The following ABRAXAS1 variants were observed in gnomAD, a reference collection of about 807,000 sequenced individuals.
The protein encoded by ABRAXAS1 is BRCA1-A complex subunit Abraxas 1.
ABRAXAS1 carries 26 observed loss-of-function variants against 38.4 expected under a neutral mutation model. The ratio of observed to expected loss-of-function variants is 0.68; its 90% CI spans 0.50 to 0.94. ABRAXAS1 has a LOEUF of 0.94. Ranked by LOEUF, ABRAXAS1 falls within the 40% of genes least tolerant of loss-of-function variation. The pLI, the probability that ABRAXAS1 is intolerant of heterozygous loss-of-function variation, is 0.00. For missense variants in ABRAXAS1, 438 were observed against 481.9 expected (o/e 0.91, Z 0.85); for synonymous variants, 144 against 165.5 (o/e 0.87, Z 1.00).
intron 7 of ABRAXAS1, among the ~76,000 whole-genome samples, chr4:83,465,141 C>T (rs1431942252): frequency 1.3e-5 from 2 of 151,558 alleles, no homozygotes; most frequent in African/African-American, 2.4e-5. Flanking sequence ...ACTTAAAATA[C>T]AAAAATTAGC....
At chr4:83,477,202 T>A (rs1045700810) in intron 2 of ABRAXAS1, among the ~76,000 whole-genome samples, 1 of 152,224 alleles carries the variant, frequency 6.6e-6, no homozygotes, top group Non-Finnish European at 1.5e-5. Context: ...AGCTTAGCAC[T>A]GTACCTAATA....
intron 3 of ABRAXAS1, among the ~76,000 whole-genome samples, chr4:83,476,263 G>T (rs1476755366): frequency 6.6e-6 from 1 of 152,110 alleles, no homozygotes; most frequent in Non-Finnish European, 1.5e-5. Flanking sequence ...TATAAGTGAG[G>T]AACCAGTTGC....
At chr4:83,467,229 A>C (rs1343298303) in intron 7 of ABRAXAS1, 1 of 379,562 alleles carries the variant, frequency 2.6e-6, no homozygotes, top group East Asian at 5.4e-5. Flanking sequence ...GGTTTTCCCT[A>C]TGAAAACTAA....
chr4:83,484,263 G>A, intron 1 of ABRAXAS1: 1 of 936,506 alleles, frequency 1.1e-6, no homozygotes, highest in South Asian at 4.9e-5. Context: ...TCTCCGAACT[G>A]TACCACACAG....
rs1217303501 is a variant in ABRAXAS1, at chr4:83,459,624, T to C, written c.*2845A>G. The C allele has an allele frequency of 4.8e-6, 4 of 837,906 alleles. No individual in the cohort carries two copies. The highest frequency in any genetic ancestry group is 7.6e-6 in the Non-Finnish European group (4 of 527,092). The allele number at this position is 837,906 out of a possible 1,614,324, so 51.9% of individuals were successfully genotyped here. A position where few individuals can be genotyped will look rare whatever the true frequency, so the allele number is the denominator to read the frequency against. ...TATTTTTTTCTTATATTTTATGAAA[T>C]GTGTCTGAAATTTAGTAAAGCTTTA... On this transcript the variant is annotated 3_prime_UTR_variant, in exon 9 of 9. Transcript: ENST00000321945.
At chr4:83,466,672 A>G (rs1174351029) in intron 7 of ABRAXAS1, among the ~76,000 whole-genome samples, 1 of 151,878 alleles carries the variant, frequency 6.6e-6, no homozygotes, top group Non-Finnish European at 1.5e-5. Context: ...AGTAGCTGGG[A>G]CTACAGGCGC....
intron 7 of ABRAXAS1, 126 bp downstream of exon 7, chr4:83,467,328 C>T: frequency 1.6e-6 from 1 of 630,082 alleles, no homozygotes; most frequent in South Asian, 1.8e-5. Flanking sequence ...GGTACATAGC[C>T]TTCATTAAGC....
intron 2 of ABRAXAS1, among the ~76,000 whole-genome samples, chr4:83,477,086 A>T (rs952591859): frequency 2.0e-5 from 3 of 152,236 alleles, no homozygotes; most frequent in African/African-American, 7.2e-5. Flanking sequence ...AAAATGATGA[A>T]AATCTCCTTA....
intron 2 of ABRAXAS1, chr4:83,479,403 C>CCAA (rs1553937731): frequency 2.9e-5 from 3 of 102,950 alleles, no homozygotes; most frequent in African/African-American, 1.1e-4. Flanking sequence ...GACTCTGTTT[C>CCAA]AAAAAAAAAA....
At chr4:83,484,699 T>C (rs572591588) in intron 1 of ABRAXAS1, 2 of 314,152 alleles carry the variant, frequency 6.4e-6, no homozygotes, top group African/African-American at 4.3e-5. Flanking sequence ...CGCCCAAGTT[T>C]CCACAGCTAC....
intron 6 of ABRAXAS1, 143 bp from the exon 7 acceptor site, chr4:83,467,681 A>G: frequency 1.8e-6 from 1 of 559,340 alleles, no homozygotes; most frequent in Non-Finnish European, 3.2e-6. Flanking sequence ...CTATGTGTAT[A>G]GAGAAAAACC....
chr4:83,474,991 T>C (rs1406728289), intron 3 of ABRAXAS1, among the ~76,000 whole-genome samples: 2 of 152,196 alleles, frequency 1.3e-5, no homozygotes. Flanking sequence ...GTATTTCACA[T>C]GTCTCTCCTA....
At chr4:83,468,595 C>T (rs371440530) in intron 6 of ABRAXAS1, among the ~76,000 whole-genome samples, 3 of 152,078 alleles carry the variant, frequency 2.0e-5, no homozygotes, top group African/African-American at 2.4e-5. Flanking sequence ...GCCTTTAATC[C>T]GAACCATTGC....
intron 2 of ABRAXAS1, chr4:83,477,562 G>A: frequency 2.1e-6 from 1 of 479,972 alleles, no homozygotes; most frequent in Non-Finnish European, 4.1e-6. Flanking sequence ...TGTCTCGTCT[G>A]AACTGGAAAC....
intron 1 of ABRAXAS1, chr4:83,484,050 T>C: frequency 1.0e-6 from 1 of 980,590 alleles, no homozygotes; most frequent in East Asian, 1.1e-4. Flanking sequence ...TTAGATTTTG[T>C]AGAGACCGGG....
At chr4:83,482,355 G>C (rs1723027346) in intron 1 of ABRAXAS1, 111 bp from the exon 2 acceptor site, 1 of 566,600 alleles carries the variant, frequency 1.8e-6, no homozygotes, top group Non-Finnish European at 3.0e-6. Flanking sequence ...CTACCAGTCG[G>C]GGGCACATAT....
chr4:83,472,711 C>A (rs1438808945), intron 3 of ABRAXAS1, among the ~76,000 whole-genome samples: 1 of 152,080 alleles, frequency 6.6e-6, no homozygotes, highest in Non-Finnish European at 1.5e-5. Flanking sequence ...GACTATTATT[C>A]ACTGCTAGTT....
intron 2 of ABRAXAS1, among the ~76,000 whole-genome samples, chr4:83,480,558 A>G (rs530053768): frequency 3.3e-4 from 51 of 152,300 alleles, no homozygotes; most frequent in South Asian, 8.3e-4. Context: ...TAAAGTAGCA[A>G]ACAAAAATAA....
At position 83,461,702 on chromosome 4, in the gene ABRAXAS1, C is replaced by G. The variant is rs1392057604; in HGVS notation, c.*767G>C. 1 of 240,930 alleles carries G rather than the reference C, an allele frequency of 4.2e-6. No individual in the cohort carries two copies. The highest frequency in any genetic ancestry group is 6.0e-5 in the East Asian group (1 of 16,714). The allele number at this position is 240,930 out of a possible 1,614,324, so 14.9% of individuals were successfully genotyped here. On this transcript the variant is annotated 3_prime_UTR_variant, in exon 9 of 9. Coordinates refer to ENST00000321945, the MANE Select transcript of ABRAXAS1 (RefSeq NM_139076.3). ...ACATACATGTATATATGTATCAGTT[C>G]TGAGTTCCACTGGCCTATCCCAAAT...
Sources: gnomAD v4.1 joint callset for allele counts (sites outside exome capture counted in the v4.1 genomes callset) on GRCh38, gnomAD v4.1.1 for gene constraint, MANE v1.5 for transcripts, NCBI Gene and HGNC (gene_info 2026-07-23, HGNC 2026-07-21) for gene names.